The following CNTNAP5 variants were observed in gnomAD, a reference collection of about 807,000 sequenced individuals.
The protein encoded by CNTNAP5 is contactin associated protein family member 5, also known as contactin-associated protein-like 5.
A neutral mutation model predicts 150.2 loss-of-function variants in CNTNAP5; 72 were observed. The ratio of observed to expected loss-of-function variants is 0.48; its 90% CI spans 0.40 to 0.58. CNTNAP5 has a LOEUF of 0.58. Among genes scored for constraint, CNTNAP5 ranks in the 20% least tolerant of loss-of-function variants. The probability of loss-of-function intolerance (pLI) is 0.00; values close to 1 mark genes in which losing one functional copy is unlikely to be tolerated. For synonymous variants in CNTNAP5, 672 were observed against 619.8 expected, an observed-to-expected ratio of 1.08 and a Z score of -1.25; for missense variants, 1,636 against 1,626.2, an observed-to-expected ratio of 1.01 and a Z score of -0.10.
At chr2:124,462,535 C>A (rs1208114433) in intron 6 of CNTNAP5, among the ~76,000 whole-genome samples, 1 of 152,220 alleles carries the variant, frequency 6.6e-6, no homozygotes, top group East Asian at 1.9e-4. Flanking sequence ...ACTAAAGGAG[C>A]AAATGGTAAC....
chr2:124,457,431 T>A (rs144246388), intron 6 of CNTNAP5, among the ~76,000 whole-genome samples: 1 of 151,974 alleles, frequency 6.6e-6, no homozygotes, highest in African/African-American at 2.4e-5. Context: ...AGGACTAATA[T>A]CCAGAAACTA....
intron 1 of CNTNAP5, 56 bp from the exon 2 acceptor site, chr2:124,221,649 A>G: frequency 9.1e-7 from 1 of 1,100,344 alleles, no homozygotes; most frequent in Non-Finnish European, 1.4e-6. Flanking sequence ...CTTCTTATGG[A>G]ATGTTTCTTG....
chr2:124,455,200 A>C (rs1693092529), intron 6 of CNTNAP5, among the ~76,000 whole-genome samples: 1 of 152,158 alleles, frequency 6.6e-6, no homozygotes, highest in Admixed American at 6.6e-5. Context: ...AAGCTCTATT[A>C]GAAACGAAAT....
At chr2:124,845,720 T>C (rs894241451) in intron 19 of CNTNAP5, among the ~76,000 whole-genome samples, 3 of 152,094 alleles carry the variant, frequency 2.0e-5, no homozygotes, top group Non-Finnish European at 4.4e-5. Flanking sequence ...CTAGGACGGT[T>C]GTGTATTTCC....
chr2:124,308,597 A>C (rs1201558179), intron 3 of CNTNAP5, among the ~76,000 whole-genome samples: 1 of 152,226 alleles, frequency 6.6e-6, no homozygotes, highest in Non-Finnish European at 1.5e-5. Context: ...GCACATAATC[A>C]GTTTGTTTGA....
chr2:124,312,370 T>C (rs1029135682), intron 3 of CNTNAP5, among the ~76,000 whole-genome samples: 1 of 152,178 alleles, frequency 6.6e-6, no homozygotes, highest in African/African-American at 2.4e-5. Context: ...TTTTCTGAGA[T>C]GGAGTTTCAC....
intron 1 of CNTNAP5, among the ~76,000 whole-genome samples, chr2:124,117,078 C>G (rs1167440999): frequency 6.6e-6 from 1 of 152,242 alleles, no homozygotes; most frequent in Non-Finnish European, 1.5e-5. Context: ...GTAGCACACA[C>G]TGATATTGTC....
chr2:124,148,297 TAA>T (rs1166109119), intron 1 of CNTNAP5, among the ~76,000 whole-genome samples: 1 of 135,674 alleles, frequency 7.4e-6, no homozygotes. Context: ...AGACCCCCTC[TAA>T]AAAAAAAAAG....
chr2:124,881,396 G>C (rs556943477), intron 21 of CNTNAP5, among the ~76,000 whole-genome samples: 1 of 152,176 alleles, frequency 6.6e-6, no homozygotes, highest in Non-Finnish European at 1.5e-5. Flanking sequence ...GAGAGGACAA[G>C]AGGAAAGGAA....
chr2:124,072,434 A>C (rs904445071), intron 1 of CNTNAP5, among the ~76,000 whole-genome samples: 7 of 152,126 alleles, frequency 4.6e-5, no homozygotes, highest in Admixed American at 4.6e-4. Flanking sequence ...GAAAGAAATC[A>C]AAGTACTTTG....
rs3980963 is a variant in CNTNAP5 at position 124,541,179 on chromosome 2, A to ATTTTTTTTTTTTTTTTTTTTTT, written c.1649+13740_1649+13741insTTTTTTTTTTTTTTTTTTTTTT. 3.7e-3 allele frequency among the ~76,000 whole-genome samples: 304 copies of ATTTTTTTTTTTTTTTTTTTTTT among 83,022 alleles called. 34 individuals carry two copies. The highest frequency in any genetic ancestry group is 6.0e-3 in the African/African-American group (129 of 21,346). The allele number at this position is 83,022 out of a possible 152,430, so 54.5% of individuals were successfully genotyped here. A position where few individuals can be genotyped will look rare whatever the true frequency, so the allele number is the denominator to read the frequency against. ...AGAGGATAAGAAGTACAAAATTCCG[A>ATTTTTTTTTTTTTTTTTTTTTT]TTTTTTTTTTTTTTTTTGGTGAGAA... On this transcript the variant is annotated intron_variant, in intron 10 of 23. Transcript: ENST00000682447.
At chr2:124,310,038 C>T (rs569683284) in intron 3 of CNTNAP5, among the ~76,000 whole-genome samples, 9 of 150,190 alleles carry the variant, frequency 6.0e-5, no homozygotes, top group Non-Finnish European at 8.9e-5. Context: ...TTCATCTTCA[C>T]GAGGCCTGAA....
At chr2:124,104,433 T>G (rs944101902) in intron 1 of CNTNAP5, among the ~76,000 whole-genome samples, 2 of 152,194 alleles carry the variant, frequency 1.3e-5, no homozygotes, top group Non-Finnish European at 2.9e-5. Flanking sequence ...ACCAATTAGA[T>G]AGATAGAGCA....
intron 3 of CNTNAP5, among the ~76,000 whole-genome samples, chr2:124,392,602 G>A (rs1402118359): frequency 6.9e-6 from 1 of 145,896 alleles, no homozygotes; most frequent in Non-Finnish European, 1.5e-5. Context: ...CCTAGCTCCT[G>A]CTCTGAATAA....
At chr2:124,899,007 G>C (rs758733752) in intron 21 of CNTNAP5, among the ~76,000 whole-genome samples, 48 of 151,420 alleles carry the variant, frequency 3.2e-4, no homozygotes, top group Admixed American at 1.1e-3. Context: ...TTATATATTT[G>C]AAAATTGCTG....
intron 7 of CNTNAP5, among the ~76,000 whole-genome samples, chr2:124,476,637 A>G (rs1207783584): frequency 1.3e-5 from 2 of 152,140 alleles, no homozygotes; most frequent in Non-Finnish European, 2.9e-5. Flanking sequence ...GTTCTATCTG[A>G]CAATGATTAA....
At chr2:124,308,666 G>T (rs1387395122) in intron 3 of CNTNAP5, among the ~76,000 whole-genome samples, 1 of 152,134 alleles carries the variant, frequency 6.6e-6, no homozygotes, top group African/African-American at 2.4e-5. Context: ...TTGAACTGTA[G>T]ATTTATCTTC....
At chr2:124,617,669 T>A (rs1170924786) in intron 12 of CNTNAP5, among the ~76,000 whole-genome samples, 2 of 152,116 alleles carry the variant, frequency 1.3e-5, no homozygotes, top group Non-Finnish European at 2.9e-5. Flanking sequence ...CATTCACAGG[T>A]ACGGAGGGTT....
At chr2:124,763,592 C>T in intron 14 of CNTNAP5, 80 bp from the exon 15 acceptor site, 2 of 1,430,376 alleles carry the variant, frequency 1.4e-6, no homozygotes, top group Non-Finnish European at 1.9e-6. Context: ...CAAATCACTT[C>T]TGAAAAGAGG....
Sources: gnomAD v4.1 joint callset for allele counts (sites outside exome capture counted in the v4.1 genomes callset) on GRCh38, gnomAD v4.1.1 for gene constraint, MANE v1.5 for transcripts, NCBI Gene and HGNC (gene_info 2026-07-23, HGNC 2026-07-21) for gene names.